Variants in STARD4 observed in about 807,000 individuals in gnomAD.
STARD4 encodes the protein stAR-related lipid transfer protein 4.
Under a neutral mutation model 24.9 loss-of-function variants are expected in STARD4, and 33 were observed. The observed-to-expected ratio is 1.32, with a 90% confidence interval of 1.00 to 1.77. STARD4 has a LOEUF of 1.77. STARD4 is among the 40% of genes most tolerant of loss of function. STARD4 has a pLI of 0.00. For missense variants in STARD4, 238 were observed against 249.3 expected, an observed-to-expected ratio of 0.95 and a Z score of 0.31; for synonymous variants, 88 against 77.4, an observed-to-expected ratio of 1.14 and a Z score of -0.72.
Position 111,506,363 on chromosome 5 carries a change from C to T in STARD4, c.122G>A (p.Trp41Ter). ...VAKKTKDVTV[W>*]RKPSEEFNGY... ...ATTAAATTCTTCTGAGGGTTTTCTC[C>T]AAACAGTTACATCTTTCTAGAAAAA... Residue 41 changes from tryptophan (W) to a stop codon, truncating the protein, a stop_gained, in exon 3 of 6, where the codon TGG becomes TAG. Coordinates refer to ENST00000296632, the MANE Select transcript of STARD4 (RefSeq NM_139164.3). LOFTEE classifies it high-confidence loss of function. 1 of 1,494,372 alleles carries T rather than the reference C, an allele frequency of 6.7e-7. No individual in the cohort carries two copies. The highest frequency in any genetic ancestry group is 9.2e-7 in the Non-Finnish European group (1 of 1,084,924). 92.6% of individuals were successfully genotyped at this position (1,494,372 alleles called of 1,614,324 possible). A position where few individuals can be genotyped will look rare whatever the true frequency, so the allele number is the denominator to read the frequency against.
At chr5:111,500,215 A>G (rs1756331099) in intron 5 of STARD4, 109 bp from the exon 6 acceptor site, 1 of 1,385,448 alleles carries the variant, frequency 7.2e-7, no homozygotes, top group Non-Finnish European at 9.3e-7. Context: ...TTATCCATAT[A>G]GATGAAAATT....
chr5:111,500,300 G>C (rs1373318353), intron 5 of STARD4, 194 bp from the exon 6 acceptor site: 1 of 1,322,544 alleles, frequency 7.6e-7, no homozygotes, highest in African/African-American at 1.5e-5. Context: ...TGGCAGATAG[G>C]TAATGGGGAA....
Position 111,496,753 on chromosome 5 carries a change from A to C in STARD4, c.*3133T>G, listed in dbSNP as rs2112530342. 6.6e-6 allele frequency: 1 copy of C among 152,112 alleles called. No individual in the cohort carries two copies. The highest frequency in any genetic ancestry group is 2.1e-4 in the South Asian group (1 of 4,820). The allele number at this position is 152,112 out of a possible 1,614,324, so 9.4% of individuals were successfully genotyped here. ...TGGTTAGAAAAGGAGGAGGAGAGAG[A>C]AGGGAGGGGAAGGAAAAAAATTCTA... On this transcript the variant is annotated 3_prime_UTR_variant, in exon 6 of 6. Coordinates refer to ENST00000296632, the MANE Select transcript of STARD4 (RefSeq NM_139164.3).
At chr5:111,500,380 T>G in intron 5 of STARD4, 1 of 1,131,992 alleles carries the variant, frequency 8.8e-7, no homozygotes, top group East Asian at 5.2e-5. Context: ...AAATCTTGGT[T>G]GTAGTATCCA....
intron 2 of STARD4, among the ~76,000 whole-genome samples, chr5:111,506,591 A>T (rs907509774): frequency 2.0e-5 from 3 of 152,110 alleles, no homozygotes; most frequent in African/African-American, 4.8e-5. Flanking sequence ...TAAATTACAG[A>T]CCTCCAAAGA....
intron 5 of STARD4, chr5:111,500,369 CAAA>C (rs1756345280): frequency 9.6e-6 from 11 of 1,141,852 alleles, no homozygotes; most frequent in Non-Finnish European, 1.2e-5. Context: ...TTGGAAGCTA[CAAA>C]TCTTGGTTGT....
In STARD4 at chr5:111,500,988, G is replaced by A. The variant is rs991160645; in HGVS notation, c.397+14C>T. ...ACCATACTGAAAAAAAGCATAACAT[G>A]TTGAGATTATTACCACAAGATAAAA... On this transcript the variant is annotated intron_variant, in intron 5 of 5. Coordinates refer to ENST00000296632, the MANE Select transcript of STARD4 (RefSeq NM_139164.3). The A allele has an allele frequency of 2.2e-5, 36 of 1,613,588 alleles. No individual in the cohort carries two copies. The highest frequency in any genetic ancestry group is 2.8e-5 in the Non-Finnish European group (33 of 1,179,868).
At chr5:111,505,144 T>C (rs1756761499) in intron 3 of STARD4, 10 of 414,612 alleles carry the variant, frequency 2.4e-5, no homozygotes, top group South Asian at 1.8e-4. Flanking sequence ...AAGAAATACT[T>C]ATTCTTCCCT....
In STARD4 at chr5:111,507,343, C is replaced by G. The variant is rs755887460; in HGVS notation, c.91G>C (p.Val31Leu). The change falls in exon 2 of 6, where the codon GTT (valine) becomes CTT (leucine). Residue 31 changes from valine to leucine, a missense_variant. By Grantham distance (32) the Val-to-Leu change is conservative. Coordinates refer to ENST00000296632, the MANE Select transcript of STARD4 (RefSeq NM_139164.3). The surrounding 1 kb of genome is among the most constrained non-coding windows in gnomAD (Gnocchi z 4.4). ...AACTAATTTACCGTTTTCTTAGCAA[C>G]TCGCCACTTATCTTCTTCAATGCTA... Reference protein sequence around the residue: ...YHSIEEDKWRVAKKTKDVTVW... With the variant: ...YHSIEEDKWRLAKKTKDVTVW... The G allele has an allele frequency of 6.2e-7, 1 of 1,612,062 alleles. No individual in the cohort carries two copies. The highest frequency in any genetic ancestry group is 1.3e-5 in the African/African-American group (1 of 74,940).
In STARD4 at chr5:111,507,487, A is replaced by G; in HGVS notation, c.-9-45T>C. 1 of 1,472,400 alleles carries G rather than the reference A, an allele frequency of 6.8e-7. No individual in the cohort carries two copies. The highest frequency in any genetic ancestry group is 9.4e-7 in the Non-Finnish European group (1 of 1,061,444). The allele number at this position is 1,472,400 out of a possible 1,614,324, so 91.2% of individuals were successfully genotyped here. A position where few individuals can be genotyped will look rare whatever the true frequency, so the allele number is the denominator to read the frequency against. On this transcript the variant is annotated intron_variant, in intron 1 of 5. Coordinates refer to ENST00000296632, the MANE Select transcript of STARD4 (RefSeq NM_139164.3). The surrounding 1 kb of genome is among the most constrained non-coding windows in gnomAD (Gnocchi z 4.4). Reference sequence around the variant, plus strand: ...TAGCATCAGCAAATACCACAGTTTGAGGCAATAGGCCAGTGGGTCTCGAAT... The same window carrying G: ...TAGCATCAGCAAATACCACAGTTTGGGGCAATAGGCCAGTGGGTCTCGAAT...
At chr5:111,504,868 A>ACAATAT in intron 3 of STARD4, 1 of 385,268 alleles carries the variant, frequency 2.6e-6, no homozygotes, top group Non-Finnish European at 5.1e-6. Context: ...AGTACTTAGA[A>ACAATAT]CAATATTTGG....
In STARD4 at chr5:111,499,927, T is replaced by G. The variant is rs551543883; in HGVS notation, c.577A>C (p.Thr193Pro). 2.7e-5 allele frequency: 43 copies of G among 1,614,130 alleles called. 1 individual carries two copies. The South Asian group carries it at 4.5e-4, about 17-fold the overall frequency. The change falls in exon 6 of 6, where the codon ACT becomes CCT. Residue 193 changes from threonine (T) to proline (P), a missense_variant. Transcript: ENST00000296632. Reference sequence around the variant, plus strand: ...AAATCACCATAGAAGTTGGTTAAAGTGCTTGCCATGGCTGTATCTACCGCA... The same window carrying G: ...AAATCACCATAGAAGTTGGTTAAAGGGCTTGCCATGGCTGTATCTACCGCA... ...QSAVDTAMAS[T>P]LTNFYGDLRK... is the part of the protein sequence containing the mutation.
rs1365148424 is a variant in STARD4, at chr5:111,507,678, A to ATATGTAAT, written c.-9-237_-9-236insATTACATA. Among the ~76,000 whole-genome samples, 3 of 152,208 alleles carry ATATGTAAT rather than the reference A, an allele frequency of 2.0e-5. No individual in the cohort carries two copies. The highest frequency in any genetic ancestry group is 7.2e-5 in the African/African-American group (3 of 41,452). ...AGGTGAGAATTACATATTTTTTACAATTAAAATCACTCATACAGAAAGTAG... is the reference window on the plus strand; with the variant it reads ...AGGTGAGAATTACATATTTTTTACAATATGTAATTTAAAATCACTCATACAGAAAGTAG... On this transcript the variant is annotated intron_variant, in intron 1 of 5. Transcript: ENST00000296632. This position sits in a 1 kb window ranked among gnomAD's most constrained non-coding sequence, Gnocchi z 4.4.
At chr5:111,502,441 C>G (rs932073909) in intron 3 of STARD4, among the ~76,000 whole-genome samples, 2 of 151,060 alleles carry the variant, frequency 1.3e-5, no homozygotes, top group African/African-American at 2.4e-5. Flanking sequence ...TGCACTCCAG[C>G]CTAGGTGACG....
chr5:111,502,130 A>G lies in STARD4; in HGVS notation c.156-42T>C, dbSNP rs1055752928. 3 of 1,598,690 alleles carry G rather than the reference A, an allele frequency of 1.9e-6. No individual in the cohort carries two copies. The African/African-American group carries it at 4.1e-5, about 22-fold the overall frequency. On this transcript the variant is annotated intron_variant, in intron 3 of 5. Transcript: ENST00000296632. The stretch of plus-strand genomic sequence containing the variant: ...TAAGTCAACCGCTGTTACAATAAAA[A>G]AATTTCAGCATACCCTTATAGTGCA...
chr5:111,506,148 T>A (rs1020526659), intron 3 of STARD4, 182 bp downstream of exon 3: 2 of 303,108 alleles, frequency 6.6e-6, no homozygotes, highest in Non-Finnish European at 1.2e-5. Flanking sequence ...GAGCCGAGAT[T>A]GTGCCACCGC....
In STARD4 at chr5:111,502,742, G is replaced by A. The variant is rs575698890; in HGVS notation, c.156-654C>T. ...TGGGAGGCGGAGGTTGAGGTGAGCC[G>A]AGATCACGCCATTGCACTCCAGCCT... On this transcript the variant is annotated intron_variant, in intron 3 of 5. Transcript: ENST00000296632. 6.7e-4 allele frequency among the ~76,000 whole-genome samples: 101 copies of A among 150,776 alleles called. 1 individual carries two copies. The South Asian group carries it at 0.016, about 23-fold the overall frequency.
intron 1 of STARD4, among the ~76,000 whole-genome samples, chr5:111,510,850 C>T (rs570406086): frequency 6.6e-6 from 1 of 152,260 alleles, no homozygotes; most frequent in Admixed American, 6.5e-5. Context: ...CATAATAAAA[C>T]ATTTAACCTG....
At chr5:111,504,196 C>A (rs887800603) in intron 3 of STARD4, among the ~76,000 whole-genome samples, 1 of 151,982 alleles carries the variant, frequency 6.6e-6, no homozygotes, top group African/African-American at 2.4e-5. Flanking sequence ...CACGTGTGCA[C>A]AAAGAGATAT....
Sources: allele counts gnomAD v4.1 joint callset (sites outside exome capture counted in the v4.1 genomes callset), GRCh38; gene constraint gnomAD v4.1.1; non-coding constraint Gnocchi (gnomAD v3.1); transcripts MANE v1.5; gene names NCBI Gene and HGNC (gene_info 2026-07-23, HGNC 2026-07-21).